Variants in CKMT1B observed in about 807,000 individuals in gnomAD.
CKMT1B encodes the protein creatine kinase U-type, mitochondrial.
A neutral mutation model predicts 21.8 loss-of-function variants in CKMT1B; 13 were observed. The observed-to-expected ratio is 0.60, with a 90% confidence interval of 0.39 to 0.95. CKMT1B has a LOEUF of 0.95. CKMT1B is among the 40% of genes least tolerant of loss of function. The pLI, the probability that CKMT1B is intolerant of heterozygous loss-of-function variation, is 0.00. For synonymous variants in CKMT1B, 50 were observed against 80.3 expected, an observed-to-expected ratio of 0.62 and a Z score of 2.02; for missense variants, 157 against 227.5, an observed-to-expected ratio of 0.69 and a Z score of 1.99.
intron 7 of CKMT1B, 42 bp from the exon 8 acceptor site, chr15:43,598,785 T>C (rs764016501): frequency 6.4e-7 from 1 of 1,573,654 alleles, no homozygotes; most frequent in South Asian, 1.2e-5. Context: ...GACTAGTCTC[T>C]GCCTCTATTG....
intron 6 of CKMT1B, chr15:43,597,603 C>G: frequency 4.2e-6 from 4 of 951,490 alleles, no homozygotes; most frequent in Non-Finnish European, 5.4e-6. Flanking sequence ...GATCCCTTGT[C>G]TCTTGAACTC....
intron 8 of CKMT1B, 77 bp downstream of exon 8, chr15:43,599,029 G>C (rs1403527406): frequency 7.5e-6 from 12 of 1,598,590 alleles, no homozygotes; most frequent in East Asian, 2.2e-5. Context: ...TGAGCCTCCG[G>C]GATGTAAGAT....
Position 43,598,305 on chromosome 15 carries a change from T to G in CKMT1B, c.989T>G (p.Ile330Ser), listed in dbSNP as rs2141512134. ...LGTGLRAGVH[I>S]KLPLLSKDSR... ...ACTGGACTTCGGGCAGGAGTGCACATCAAACTGCCCCTGCTAAGCAAAGTA... is the reference window on the plus strand; with the variant it reads ...ACTGGACTTCGGGCAGGAGTGCACAGCAAACTGCCCCTGCTAAGCAAAGTA... The change falls in exon 7 of 9, where the codon ATC becomes AGC. Residue 330 changes from isoleucine to serine, a missense_variant. Coordinates refer to ENST00000441322, the MANE Select transcript of CKMT1B (RefSeq NM_001375484.1). The G allele has an allele frequency of 1.2e-6, 2 of 1,606,574 alleles. No individual in the cohort carries two copies. Among genetic ancestry groups the G allele is most frequent in the Non-Finnish European group, 1.7e-6 (2 of 1,178,546 alleles).
At position 43,598,198 on chromosome 15, in the gene CKMT1B, G is replaced by A. The variant is rs1207152264; in HGVS notation, c.882G>A (p.Glu294=). 3.1e-6 allele frequency: 5 copies of A among 1,608,808 alleles called. 1 individual carries two copies. Among genetic ancestry groups the A allele is most frequent in the African/African-American group, 1.4e-5 (1 of 72,032 alleles). The change falls in exon 7 of 9, where the codon GAG becomes GAA. Residue 294 remains glutamate, a synonymous_variant. Coordinates refer to ENST00000441322, the MANE Select transcript of CKMT1B (RefSeq NM_001375484.1). ...CAAAACCTTTGTGGACTCAGGTGGA[G>A]AGACTTATCCAAGAACGTGGCTGGG... The part of the protein sequence containing the change: ...ERFCRGLKEV[E]RLIQERGWEF...
intron 6 of CKMT1B, 29 bp downstream of exon 6, chr15:43,596,560 G>C (rs1203876210): frequency 6.2e-7 from 1 of 1,608,044 alleles, no homozygotes; most frequent in Non-Finnish European, 8.5e-7. Context: ...GGGGAGCTAG[G>C]TGGGAGGACA....
chr15:43,597,880 C>T (rs562068663), intron 6 of CKMT1B: 1 of 1,269,338 alleles, frequency 7.9e-7, no homozygotes, highest in Non-Finnish European at 1.0e-6. Flanking sequence ...AATAATCAGT[C>T]ATCTCTCAGT....
Position 43,599,362 on chromosome 15 carries a change from G to T in CKMT1B, c.*89G>T. 1 of 1,599,652 alleles carries T rather than the reference G, an allele frequency of 6.3e-7. No homozygotes were observed. The highest frequency in any genetic ancestry group is 1.7e-5 in the Admixed American group (1 of 59,468). ...TTCTACTTGCTCTGGACCTGCCCCCGCATCCCCTGCCTCCATCCTAGTAAA... is the reference window on the plus strand; with the variant it reads ...TTCTACTTGCTCTGGACCTGCCCCCTCATCCCCTGCCTCCATCCTAGTAAA... On this transcript the variant is annotated 3_prime_UTR_variant, in exon 9 of 9. Coordinates refer to ENST00000441322, the MANE Select transcript of CKMT1B (RefSeq NM_001375484.1).
chr15:43,597,652 A>C, intron 6 of CKMT1B: 1 of 907,504 alleles, frequency 1.1e-6, no homozygotes, highest in Non-Finnish European at 1.4e-6. Flanking sequence ...AAGTGAAGCC[A>C]AACGCCTTCC....
At chr15:43,596,708 CCAGGACATGTGGTCA>C in intron 6 of CKMT1B, 177 bp downstream of exon 6, 3 of 942,704 alleles carry the variant, frequency 3.2e-6, no homozygotes, top group Non-Finnish European at 4.7e-6. Flanking sequence ...ACTGGGAAAA[CCAGGACATGTGGTCA>C]CACTAAGATT....
At chr15:43,597,859 A>C in intron 6 of CKMT1B, 1 of 1,236,180 alleles carries the variant, frequency 8.1e-7, no homozygotes, top group Non-Finnish European at 1.0e-6. Flanking sequence ...CGATGCATGC[A>C]GACCTCATTG....
intron 8 of CKMT1B, 33 bp from the exon 9 acceptor site, chr15:43,599,124 G>A (rs923760036): frequency 3.1e-6 from 5 of 1,612,862 alleles, no homozygotes; most frequent in Non-Finnish European, 4.2e-6. Context: ...AACTCAGACT[G>A]TAGGAAGCAG....
chr15:43,596,116 T>C, intron 4 of CKMT1B, 39 bp downstream of exon 4: 1 of 318,754 alleles, frequency 3.1e-6, no homozygotes, highest in Non-Finnish European at 5.2e-6. Flanking sequence ...TGGGAGCAGA[T>C]GGGGAAGGCT....
intron 7 of CKMT1B, 74 bp from the exon 8 acceptor site, chr15:43,598,753 G>T (rs2085624894): frequency 6.7e-7 from 1 of 1,503,098 alleles, no homozygotes; most frequent in Non-Finnish European, 8.9e-7. Context: ...GCTCTGAGCA[G>T]GTTCAGGGCT....
rs1403774083 is a variant in CKMT1B at position 43,596,293 on chromosome 15, G to A, written c.752+1G>A. 2.4e-6 allele frequency: 2 copies of A among 821,528 alleles called. No individual in the cohort carries two copies. Among genetic ancestry groups the A allele is most frequent in the Non-Finnish European group, 1.8e-6 (1 of 553,976 alleles). The allele number at this position is 821,528 out of a possible 1,614,324, so 50.9% of individuals were successfully genotyped here. A position where few individuals can be genotyped will look rare whatever the true frequency, so the allele number is the denominator to read the frequency against. ...ACTGGCCAGATGCTCGTGGAATTTG[G>A]TATGAAGCTGCTCATTACCTCTTTT... is the stretch of plus-strand genomic sequence containing the variant. On this transcript the variant is annotated splice_donor_variant, in intron 5 of 8. Coordinates refer to ENST00000441322, the MANE Select transcript of CKMT1B (RefSeq NM_001375484.1). LOFTEE classifies it high-confidence loss of function.
chr15:43,598,972 G>C lies in CKMT1B; in HGVS notation c.1137+20G>C, dbSNP rs142267916. On this transcript the variant is annotated intron_variant, in intron 8 of 8. Transcript: ENST00000441322. ...TCAGAGGTGAGATCCTAAGGGATTA[G>C]GACAAGGAGAGGTATAGGTCTGCGA... 2.2e-4 allele frequency: 356 copies of C among 1,610,780 alleles called. 8 individuals carry two copies. The African/African-American group carries it at 4.6e-3, about 21-fold the overall frequency.
In CKMT1B at chr15:43,599,283, G is replaced by A. The variant is rs367879527; in HGVS notation, c.*10G>A. The A allele has an allele frequency of 2.0e-5, 32 of 1,613,392 alleles. 2 individuals are homozygous for A. The highest frequency in any genetic ancestry group is 5.4e-5 in the African/African-American group (4 of 74,720). ...CCACACCAAGCATTAACTCCCCATC[G>A]CCAGCTGATGACTCAAGATTCCCAG... On this transcript the variant is annotated 3_prime_UTR_variant, in exon 9 of 9. Coordinates refer to ENST00000441322, the MANE Select transcript of CKMT1B (RefSeq NM_001375484.1).
At chr15:43,596,941 C>T (rs1595952112) in intron 6 of CKMT1B, among the ~76,000 whole-genome samples, 1 of 148,376 alleles carries the variant, frequency 6.7e-6, no homozygotes, top group East Asian at 2.1e-4. Flanking sequence ...CCACCCAGTT[C>T]TGAGACAAGG....
At chr15:43,598,985 T>A in intron 8 of CKMT1B, 33 bp downstream of exon 8, 1 of 1,609,728 alleles carries the variant, frequency 6.2e-7, no homozygotes, top group Non-Finnish European at 8.5e-7. Flanking sequence ...CAAGGAGAGG[T>A]ATAGGTCTGC....
chr15:43,598,108 G>T, intron 6 of CKMT1B, 85 bp from the exon 7 acceptor site: 3 of 1,566,250 alleles, frequency 1.9e-6, no homozygotes, highest in Non-Finnish European at 2.6e-6. Flanking sequence ...CATATTTCTA[G>T]TGTTCTTGTG....
Sources: gnomAD v4.1 joint callset for allele counts (sites outside exome capture counted in the v4.1 genomes callset) on GRCh38, gnomAD v4.1.1 for gene constraint, MANE v1.5 for transcripts, NCBI Gene and HGNC (gene_info 2026-07-23, HGNC 2026-07-21) for gene names.